PRPF4: variants seen among roughly 807,000 people sequenced by gnomAD.
PRPF4 encodes the protein pre-mRNA splicing tri-snRNP complex factor PRPF4.
A neutral mutation model predicts 72.2 loss-of-function variants in PRPF4; 14 were observed. The observed-to-expected ratio is 0.19, with a 90% CI of 0.13 to 0.30. The LOEUF is 0.30. Among genes scored for constraint, PRPF4 ranks in the 10% least tolerant of loss-of-function variants. The pLI is 1.00. For missense variants in PRPF4, 478 were observed against 653.9 expected (o/e 0.73, Z 2.93); for synonymous variants, 225 against 232.2 (o/e 0.97, Z 0.28).
chr9:113,288,681 C>T (rs546125118), intron 10 of PRPF4, among the ~76,000 whole-genome samples: 2 of 152,246 alleles, frequency 1.3e-5, no homozygotes, highest in Non-Finnish European at 1.5e-5. Flanking sequence ...AGGTGATCTT[C>T]CCGCCTCAGC....
chr9:113,284,156 G>A, intron 6 of PRPF4, 139 bp from the exon 7 acceptor site: 1 of 597,742 alleles, frequency 1.7e-6, no homozygotes, highest in Non-Finnish European at 2.9e-6. Flanking sequence ...TCTAACAGCA[G>A]CAACAAAACC....
chr9:113,283,208 C>T lies in PRPF4; in HGVS notation c.557C>T (p.Pro186Leu). The change falls in exon 5 of 14, where the codon CCC (proline) becomes CTC (leucine). Residue 186 changes from proline (P) to leucine (L), a missense_variant. Physicochemically the swap from Pro to Leu is moderately conservative, Grantham distance 98. Transcript: ENST00000374198. ...ARLWIANYSL[P>L]RAMKRLEEAR... is the part of the protein sequence containing the mutation. ...CTATGGATTGCTAATTATTCGTTGC[C>T]CAGGTAAAGAGAGCCTCCAGTAGAA... The T allele has an allele frequency of 6.2e-7, 1 of 1,614,088 alleles. No homozygotes were observed. Among genetic ancestry groups the T allele is most frequent in the Non-Finnish European group, 8.5e-7 (1 of 1,180,022 alleles).
At chr9:113,285,448 G>C (rs891605196) in intron 7 of PRPF4, among the ~76,000 whole-genome samples, 2 of 130,940 alleles carry the variant, frequency 1.5e-5, no homozygotes, top group Admixed American at 1.9e-4. Context: ...GCGCGATCTC[G>C]GCTCACTGCA....
rs1380161394 is a variant in PRPF4 at position 113,279,138 on chromosome 9, T to A, written c.392+7T>A. On this transcript the variant is annotated splice_region_variant and intron_variant, in intron 3 of 13. Coordinates refer to ENST00000374198, the MANE Select transcript of PRPF4 (RefSeq NM_001244926.2). ...CTGCTGAAAGAAGAGAAAGGTTGCC[T>A]TTCTAAATATTTACTTTTTTTCTTT... 4 of 1,593,912 alleles carry A rather than the reference T, an allele frequency of 2.5e-6. No homozygotes were observed. Among genetic ancestry groups the A allele is most frequent in the Non-Finnish European group, 3.4e-6 (4 of 1,171,322 alleles).
At chr9:113,283,920 T>A (rs981670968) in intron 6 of PRPF4, among the ~76,000 whole-genome samples, 23 of 151,858 alleles carry the variant, frequency 1.5e-4, no homozygotes, top group Non-Finnish European at 2.4e-4. Flanking sequence ...ATACAAAAAT[T>A]TGCCAGGTGT....
intron 7 of PRPF4, among the ~76,000 whole-genome samples, chr9:113,284,960 G>A (rs376272137): frequency 4.2e-4 from 64 of 152,146 alleles, no homozygotes; most frequent in African/African-American, 1.5e-3. Flanking sequence ...GTGGGACATG[G>A]CTATCTAATG....
At chr9:113,279,201 T>C in intron 3 of PRPF4, 70 bp downstream of exon 3, 1 of 1,367,404 alleles carries the variant, frequency 7.3e-7, no homozygotes. Context: ...TTTTGGTTGA[T>C]CATTTAGTTG....
chr9:113,282,329 C>T lies in PRPF4; in HGVS notation c.393-317C>T, dbSNP rs1242027994. On this transcript the variant is annotated intron_variant, in intron 3 of 13. Transcript: ENST00000374198. ...CTCTACAGAAAAATTTAAAAATTAGCCAGTTGTAGCAGTGTACATGTAGTC... is the reference window on the plus strand; with the variant it reads ...CTCTACAGAAAAATTTAAAAATTAGTCAGTTGTAGCAGTGTACATGTAGTC... Among the ~76,000 whole-genome samples, 4 of 152,018 alleles carry T rather than the reference C, an allele frequency of 2.6e-5. No individual in the cohort carries two copies. In the East Asian group the frequency reaches 7.7e-4, roughly 29 times the overall value.
intron 10 of PRPF4, 62 bp from the exon 11 acceptor site, chr9:113,290,404 T>G: frequency 6.2e-7 from 1 of 1,607,798 alleles, no homozygotes; most frequent in Non-Finnish European, 8.5e-7. Context: ...TTAGAATACT[T>G]TATGTGTTGT....
rs111792595 is a variant in PRPF4, at chr9:113,278,310, A to G, written c.206-635A>G. Among the ~76,000 whole-genome samples, 385 of 152,342 alleles carry G rather than the reference A, an allele frequency of 2.5e-3. 1 individual carries two copies. The highest frequency in any genetic ancestry group is 8.4e-3 in the African/African-American group (348 of 41,560). On this transcript the variant is annotated intron_variant, in intron 2 of 13. Transcript: ENST00000374198. ...CTCCTCTGCAGTAGGGACATCTGTCAGGTTTCTTATTGATCCTCCCACACA... is the reference window on the plus strand; with the variant it reads ...CTCCTCTGCAGTAGGGACATCTGTCGGGTTTCTTATTGATCCTCCCACACA...
chr9:113,286,177 A>G lies in PRPF4; in HGVS notation c.750-55A>G. 2.5e-6 allele frequency: 4 copies of G among 1,586,288 alleles called. No homozygotes were observed. The South Asian group carries it at 3.3e-5, about 13-fold the overall frequency. On this transcript the variant is annotated intron_variant, in intron 7 of 13. Coordinates refer to ENST00000374198, the MANE Select transcript of PRPF4 (RefSeq NM_001244926.2). Reference sequence around the variant, plus strand: ...TGTCCTTTAGTAATATTACCAAGGTACCTTTTCCTTCCCAGACCAACCCTG... The same window carrying G: ...TGTCCTTTAGTAATATTACCAAGGTGCCTTTTCCTTCCCAGACCAACCCTG...
chr9:113,283,526 A>C, intron 6 of PRPF4, 44 bp downstream of exon 6: 1 of 1,602,178 alleles, frequency 6.2e-7, no homozygotes, highest in Non-Finnish European at 8.5e-7. Flanking sequence ...AAGGTTCTTC[A>C]TGTTTATTTG....
intron 10 of PRPF4, among the ~76,000 whole-genome samples, chr9:113,288,916 G>T (rs981813331): frequency 6.6e-6 from 1 of 152,138 alleles, no homozygotes; most frequent in African/African-American, 2.4e-5. Context: ...TACATACAAT[G>T]GAATGGATTT....
At chr9:113,276,837 A>G (rs79446152) in intron 2 of PRPF4, 112 bp downstream of exon 2, 13 of 1,255,630 alleles carry the variant, frequency 1.0e-5, no homozygotes, top group Admixed American at 4.7e-5. Flanking sequence ...TTTTTTTTAA[A>G]CAGAGTCTCG....
chr9:113,280,380 A>G (rs1205087718), intron 3 of PRPF4, among the ~76,000 whole-genome samples: 1 of 152,138 alleles, frequency 6.6e-6, no homozygotes, highest in Admixed American at 6.5e-5. Flanking sequence ...GATGATTCCC[A>G]AATCTCTCAC....
chr9:113,277,617 C>T (rs1031850333), intron 2 of PRPF4, among the ~76,000 whole-genome samples: 1 of 152,078 alleles, frequency 6.6e-6, no homozygotes, highest in Non-Finnish European at 1.5e-5. Context: ...AACTCCTGAC[C>T]TCAAATGATC....
intron 12 of PRPF4, 45 bp downstream of exon 12, chr9:113,290,852 C>T (rs1832588956): frequency 3.7e-6 from 6 of 1,611,408 alleles, no homozygotes; most frequent in Non-Finnish European, 5.1e-6. Context: ...GGTTCTGGGT[C>T]AGTAAGTACT....
chr9:113,280,236 T>C (rs1201034739), intron 3 of PRPF4, among the ~76,000 whole-genome samples: 1 of 152,162 alleles, frequency 6.6e-6, no homozygotes, highest in Non-Finnish European at 1.5e-5. Flanking sequence ...GATTTTCCTC[T>C]TCTCTCACTA....
chr9:113,290,578 G>A lies in PRPF4; in HGVS notation c.1135G>A (p.Ala379Thr), dbSNP rs775099091. Residue 379 changes from alanine (A) to threonine (T), a missense_variant, in exon 11 of 14, where the codon GCT (alanine) becomes ACT (threonine). Ala to Thr is a moderately conservative substitution (Grantham distance 58). Transcript: ENST00000374198. Reference protein sequence around the residue: ...DIAFHQDGSLAGTGGLDAFGR... With the variant: ...DIAFHQDGSLTGTGGLDAFGR... ...TGCCTTCCATCAAGATGGCTCTTTG[G>A]CTGGCACTGGGTAAGGCTTCTCCCA... 2 of 1,614,144 alleles carry A rather than the reference G, an allele frequency of 1.2e-6. No homozygotes were observed. The highest frequency in any genetic ancestry group is 2.2e-5 in the South Asian group (2 of 91,078).
Sources: allele counts gnomAD v4.1 joint callset (sites outside exome capture counted in the v4.1 genomes callset), GRCh38; gene constraint gnomAD v4.1.1; transcripts MANE v1.5; gene names NCBI Gene and HGNC (gene_info 2026-07-23, HGNC 2026-07-21).